Variants in ISM1 observed in about 807,000 individuals in gnomAD.
The protein encoded by ISM1 is isthmin-1.
A neutral mutation model predicts 46.3 loss-of-function variants in ISM1; 25 were observed. The observed-to-expected ratio is 0.54, with a 90% CI of 0.39 to 0.75. The LOEUF (loss-of-function observed/expected upper bound fraction) is 0.75, where lower values mean the gene tolerates loss of function less well. Ranked by LOEUF, ISM1 falls within the 30% of genes least tolerant of loss-of-function variation. ISM1 has a pLI of 0.00. For missense variants in ISM1, 536 were observed against 625.4 expected (o/e 0.86, Z 1.52); for synonymous variants, 255 against 256.7 (o/e 0.99, Z 0.06).
the ISM1 span, among the ~76,000 whole-genome samples, chr20:13,311,216 T>A: frequency 6.6e-4 from 88 of 133,270 alleles, no homozygotes; most frequent in Middle Eastern, 7.0e-3. Context: ...TATAGATAGA[T>A]GATAGATAGA....
intron 1 of ISM1, among the ~76,000 whole-genome samples, chr20:13,249,433 G>T (rs2039840004): frequency 6.6e-6 from 1 of 152,202 alleles, no homozygotes; most frequent in Admixed American, 6.5e-5. Context: ...GACAGACATG[G>T]CAGGACCACA....
chr20:13,259,961 T>C (rs543277992), intron 1 of ISM1, among the ~76,000 whole-genome samples: 3 of 152,318 alleles, frequency 2.0e-5, no homozygotes, highest in East Asian at 1.9e-4. Context: ...ACATAATAAA[T>C]ATCGATGGAG....
At chr20:13,226,300 G>C (rs1459640930) in intron 1 of ISM1, among the ~76,000 whole-genome samples, 3 of 152,176 alleles carry the variant, frequency 2.0e-5, no homozygotes, top group Non-Finnish European at 2.9e-5. Context: ...TATAGCAGTA[G>C]AAGCAAAAGC....
At chr20:13,263,505 A>G (rs1430741957) in intron 1 of ISM1, among the ~76,000 whole-genome samples, 2 of 152,196 alleles carry the variant, frequency 1.3e-5, no homozygotes, top group Non-Finnish European at 2.9e-5. Context: ...CATGTTAAAG[A>G]TAATCAGTGT....
chr20:13,305,292 T>A (rs534751722), downstream of ISM1, among the ~76,000 whole-genome samples: 1 of 152,228 alleles, frequency 6.6e-6, no homozygotes, highest in Admixed American at 6.5e-5. Flanking sequence ...TTTTAAGTAC[T>A]TTTCCATAAT....
At chr20:13,268,305 TCTC>T (rs2040069526) in intron 1 of ISM1, among the ~76,000 whole-genome samples, 1 of 150,698 alleles carries the variant, frequency 6.6e-6, no homozygotes, top group Non-Finnish European at 1.5e-5. Context: ...TTCCTTCTCT[TCTC>T]TTTTCTCTTC....
At chr20:13,309,668 C>A in the ISM1 span, among the ~76,000 whole-genome samples, 1 of 152,078 alleles carries the variant, frequency 6.6e-6, no homozygotes, top group African/African-American at 2.4e-5. Context: ...TCTCTGTTTG[C>A]AGATGGTATT....
chr20:13,293,062 T>C (rs2040370000), intron 5 of ISM1, among the ~76,000 whole-genome samples: 1 of 151,990 alleles, frequency 6.6e-6, no homozygotes, highest in South Asian at 2.1e-4. Context: ...TAGCTGGGCA[T>C]GGTGGCAGGC....
intron 1 of ISM1, among the ~76,000 whole-genome samples, chr20:13,245,924 G>A (rs578066559): frequency 2.6e-5 from 4 of 152,214 alleles, no homozygotes; most frequent in Admixed American, 6.5e-5. Flanking sequence ...CGCCCACTCC[G>A]ATGTTCTTTG....
chr20:13,286,820 G>A (rs1036918039), intron 3 of ISM1, among the ~76,000 whole-genome samples: 1 of 152,192 alleles, frequency 6.6e-6, no homozygotes, highest in African/African-American at 2.4e-5. Context: ...CATTCCTGCT[G>A]GGCCTATGTA....
chr20:13,314,695 A>G, the ISM1 span, among the ~76,000 whole-genome samples: 5 of 152,148 alleles, frequency 3.3e-5, no homozygotes, highest in Admixed American at 1.3e-4. Flanking sequence ...AAAGGAGGAG[A>G]ATCAGAAAAG....
intron 1 of ISM1, among the ~76,000 whole-genome samples, chr20:13,231,721 C>T (rs1339909188): frequency 6.6e-6 from 1 of 152,194 alleles, no homozygotes; most frequent in East Asian, 1.9e-4. Flanking sequence ...ATCCATTAGA[C>T]AGCAACACCC....
intron 2 of ISM1, 59 bp from the exon 3 acceptor site, chr20:13,279,575 T>G: frequency 1.3e-6 from 2 of 1,526,806 alleles, no homozygotes; most frequent in Admixed American, 1.9e-5. Flanking sequence ...CTTCCAAGGG[T>G]CATGTAGCTT....
chr20:13,304,578 C>T (rs1010849754), downstream of ISM1, among the ~76,000 whole-genome samples: 24 of 152,196 alleles, frequency 1.6e-4, no homozygotes, highest in African/African-American at 5.5e-4. Flanking sequence ...TGCCTGATGG[C>T]TTTTTCCATC....
chr20:13,221,326 G>A lies in ISM1; in HGVS notation c.-451G>A, dbSNP rs1458586714. Among the ~76,000 whole-genome samples, 2 of 146,324 alleles carry A rather than the reference G, an allele frequency of 1.4e-5. No individual in the cohort carries two copies. Among genetic ancestry groups the A allele is most frequent in the Admixed American group, 6.9e-5 (1 of 14,584 alleles). On this transcript the variant is annotated 5_prime_UTR_variant, in exon 1 of 6. Coordinates refer to ENST00000262487, the MANE Select transcript of ISM1 (RefSeq NM_080826.2). The stretch of plus-strand genomic sequence containing the variant: ...CGGCCGCTCCCGCTCCAGCTGCGGC[G>A]CCGCGGCCACATCTGGGGCGCCCAT...
At chr20:13,313,061 A>T in the ISM1 span, among the ~76,000 whole-genome samples, 4 of 152,176 alleles carry the variant, frequency 2.6e-5, no homozygotes, top group East Asian at 7.7e-4. Flanking sequence ...TTTTTTCCTG[A>T]TCTTCACCAG....
Position 13,279,641 on chromosome 20 carries a change from T to C in ISM1, c.386T>C (p.Ile129Thr). The C allele has an allele frequency of 1.9e-6, 3 of 1,613,424 alleles. No individual in the cohort carries two copies. The highest frequency in any genetic ancestry group is 2.5e-6 in the Non-Finnish European group (3 of 1,179,666). ...NGQNPNIQVT[I>T]EVVDGPDSEA... ...CTGTTCTGAATTCTTCAGGTCACCA[T>C]AGAGGTGGTCGACGGTCCTGACTCT... The change falls in exon 3 of 6, where the codon ATA (isoleucine) becomes ACA (threonine). Residue 129 changes from isoleucine to threonine, a missense_variant. Around this residue, in one of 2 missense-constraint regions of ISM1, gnomAD observed 367 missense variants for 376.1 expected, o/e 0.98. Transcript: ENST00000262487.
downstream of ISM1, among the ~76,000 whole-genome samples, chr20:13,305,592 A>G (rs1315888617): frequency 1.3e-5 from 2 of 152,222 alleles, no homozygotes; most frequent in Non-Finnish European, 2.9e-5. Context: ...CTCAGTAATT[A>G]CTGGGTGGGT....
chr20:13,304,189 A>G (rs535940212), downstream of ISM1, among the ~76,000 whole-genome samples: 8 of 152,320 alleles, frequency 5.3e-5, no homozygotes, highest in South Asian at 4.1e-4. Flanking sequence ...GCTCTGCTAC[A>G]TGACACATCC....
Sources: gnomAD v4.1 joint callset for allele counts (sites outside exome capture counted in the v4.1 genomes callset) on GRCh38, gnomAD v4.1.1 for gene constraint, gnomAD v4.1.1 regional missense constraint, MANE v1.5 for transcripts, NCBI Gene and HGNC (gene_info 2026-07-23, HGNC 2026-07-21) for gene names.